The following SPEG variants were observed in gnomAD, a reference collection of about 807,000 sequenced individuals.
The protein encoded by SPEG is striated muscle preferentially expressed protein kinase.
Under a neutral mutation model 300.4 loss-of-function variants are expected in SPEG, and 114 were observed. That is an observed-to-expected ratio of 0.38 (90% CI 0.33 to 0.44). SPEG has a LOEUF of 0.44. Ranked by LOEUF, SPEG falls within the 20% of genes least tolerant of loss-of-function variation. The pLI is 1.00. For synonymous variants in SPEG, 1,964 were observed against 2,018.9 expected (o/e 0.97, Z 0.73); for missense variants, 4,201 against 4,586.2 (o/e 0.92, Z 2.43).
At position 219,473,990 on chromosome 2, in the gene SPEG, C is replaced by T; in HGVS notation, c.4447+87C>T. 7.1e-7 allele frequency: 1 copy of T among 1,411,548 alleles called. No homozygotes were observed. The highest frequency in any genetic ancestry group is 9.6e-7 in the Non-Finnish European group (1 of 1,042,714). 87.4% of individuals were successfully genotyped at this position (1,411,548 alleles called of 1,614,324 possible). On this transcript the variant is annotated intron_variant, in intron 18 of 40. Transcript: ENST00000312358. This position sits in a 1 kb window ranked among gnomAD's most constrained non-coding sequence, Gnocchi z 4.6. ...CCCCAGGTACACAACCTGCCTGACA[C>T]TGCTGCAGATCCAAACCCATGTCCT...
At chr2:219,457,886 CT>C in intron 6 of SPEG, among the ~76,000 whole-genome samples, 1 of 152,206 alleles carries the variant, frequency 6.6e-6, no homozygotes, top group Non-Finnish European at 1.5e-5. Context: ...TCCCTTTTTC[CT>C]GCAAACTGCA....
chr2:219,472,434 G>T, intron 15 of SPEG, 103 bp downstream of exon 15: 1 of 976,658 alleles, frequency 1.0e-6, no homozygotes, highest in East Asian at 2.6e-5. Flanking sequence ...GATGGGCAGG[G>T]GCAGGAGCTG....
rs1692765002 is a variant in SPEG at position 219,480,755 on chromosome 2, G to A, written c.5369+58G>A. 1 of 1,525,368 alleles carries A rather than the reference G, an allele frequency of 6.6e-7. No homozygotes were observed. The highest frequency in any genetic ancestry group is 1.4e-5 in the African/African-American group (1 of 73,030). The allele number at this position is 1,525,368 out of a possible 1,614,324, so 94.5% of individuals were successfully genotyped here. ...CCTGGCAGGTCTACCCCTAACCTTT[G>A]CAGGGCTGCAGCCCACCCCCTTCTC... On this transcript the variant is annotated intron_variant, in intron 26 of 40. Transcript: ENST00000312358. This position sits in a 1 kb window ranked among gnomAD's most constrained non-coding sequence, Gnocchi z 5.3.
rs773213546 is a variant in SPEG at position 219,489,748 on chromosome 2, ACCAGCCCCTGAGCCC to A, written c.8748_8762del (p.Ala2917_Pro2921del). ...TGGTGACTTCCTTTGTGTCTGCACC[ACCAGCCCCTGAGCCC>A]CCAGCCCCTGAGCCCCCTCCTGAGC... On this transcript the variant is annotated inframe_deletion, in exon 36 of 41. Transcript: ENST00000312358. The A allele has an allele frequency of 1.2e-5, 19 of 1,613,366 alleles. No individual in the cohort carries two copies. The highest frequency in any genetic ancestry group is 1.0e-4 in the Admixed American group (6 of 59,960).
chr2:219,466,183 C>G (rs566166405), intron 9 of SPEG: 3 of 1,493,720 alleles, frequency 2.0e-6, no homozygotes, highest in Admixed American at 2.1e-5. Flanking sequence ...CCTGCCGGCC[C>G]GGACCCGTCC....
chr2:219,483,808 C>A lies in SPEG; in HGVS notation c.6345C>A (p.His2115Gln). 6.3e-7 allele frequency: 1 copy of A among 1,574,970 alleles called. No individual in the cohort carries two copies. The highest frequency in any genetic ancestry group is 8.6e-7 in the Non-Finnish European group (1 of 1,167,600). ...ARAASSEAAP[H>Q]HQPPLENRGL... The stretch of plus-strand genomic sequence containing the variant: ...CTGCCTCCAGCGAGGCAGCGCCCCA[C>A]CACCAGCCCCCACTCGAGAACCGGG... The change falls in exon 30 of 41, where the codon CAC becomes CAA. Residue 2115 changes from histidine (H) to glutamine (Q), a missense_variant. Transcript: ENST00000312358.
At position 219,488,575 on chromosome 2, in the gene SPEG, C is replaced by T. The variant is rs371959562; in HGVS notation, c.7936C>T (p.Arg2646Trp). The change falls in exon 33 of 41, where the codon CGG becomes TGG. Residue 2646 changes from arginine (R) to tryptophan (W), a missense_variant. Arg to Trp is a moderately radical substitution (Grantham distance 101). Coordinates refer to ENST00000312358, the MANE Select transcript of SPEG (RefSeq NM_005876.5). The part of the protein sequence containing the change: ...KDGRQLLSIP[R>W]AGKRHAGLYE... ...TGGGCGGCAGCTGCTCAGCATCCCC[C>T]GGGCGGGCAAGCGGCACGCCGGTCT... The T allele has an allele frequency of 5.5e-5, 88 of 1,611,822 alleles. No homozygotes were observed. Among genetic ancestry groups the T allele is most frequent in the Non-Finnish European group, 6.4e-5 (76 of 1,179,270 alleles).
chr2:219,449,635 C>A (rs1296630017), intron 4 of SPEG, among the ~76,000 whole-genome samples: 1 of 152,070 alleles, frequency 6.6e-6, no homozygotes, highest in African/African-American at 2.4e-5. Context: ...CTGGTGGGAA[C>A]CTAAGGACCC....
chr2:219,482,787 C>T lies in SPEG; in HGVS notation c.5569C>T (p.Gln1857Ter). The change falls in exon 29 of 41, where the codon CAG (glutamine) becomes TAG (stop). Residue 1857 changes from glutamine to a stop codon, truncating the protein, a stop_gained. Transcript: ENST00000312358. LOFTEE classifies it high-confidence loss of function. ...ETLEHPWFKTQAKGAEVSTDH... is the reference protein window; with the variant it reads ...ETLEHPWFKT ...GCCCTCTTTCCTGGGTTTGCAGACTCAGGCAAAGGGCGCAGAGGTGAGCAC... is the reference window on the plus strand; with the variant it reads ...GCCCTCTTTCCTGGGTTTGCAGACTTAGGCAAAGGGCGCAGAGGTGAGCAC... 6.2e-7 allele frequency: 1 copy of T among 1,613,752 alleles called. No individual in the cohort carries two copies. Among genetic ancestry groups the T allele is most frequent in the South Asian group, 1.1e-5 (1 of 91,072 alleles).
intron 18 of SPEG, among the ~76,000 whole-genome samples, chr2:219,476,239 G>A (rs1316183161): frequency 5.9e-5 from 7 of 118,892 alleles, no homozygotes; most frequent in Non-Finnish European, 1.1e-4. Flanking sequence ...TTTGGGGGTT[G>A]TTTGTTCATC....
chr2:219,489,134 G>C lies in SPEG; in HGVS notation c.8230G>C (p.Val2744Leu), dbSNP rs748716131. The C allele has an allele frequency of 7.4e-6, 12 of 1,613,888 alleles. No homozygotes were observed. The East Asian group carries it at 2.5e-4, about 33-fold the overall frequency. The change falls in exon 35 of 41, where the codon GTG (valine) becomes CTG (leucine). Residue 2744 changes from valine to leucine, a missense_variant. Physicochemically the swap from Val to Leu is conservative, Grantham distance 32 (BLOSUM62 1). Coordinates refer to ENST00000312358, the MANE Select transcript of SPEG (RefSeq NM_005876.5). ...NVTHLPVGVT[V>L]RFRVACANRA... is the part of the protein sequence containing the mutation. ...GACCCACCTGCCAGTTGGCGTGACT[G>C]TGAGGTTCCGTGTGGCCTGTGCCAA...
At position 219,445,476 on chromosome 2, in the gene SPEG, G is replaced by T; in HGVS notation, c.815+315G>T. ...GGCCCTCTTTTGCCTCACCCATTTG[G>T]GCTCCAGTTGTCCCCAGGATCCCTC... On this transcript the variant is annotated intron_variant, in intron 3 of 40. Coordinates refer to ENST00000312358, the MANE Select transcript of SPEG (RefSeq NM_005876.5). The surrounding 1 kb of genome is among the most constrained non-coding windows in gnomAD (Gnocchi z 6.1). 1 of 427,424 alleles carries T rather than the reference G, an allele frequency of 2.3e-6. No homozygotes were observed. Among genetic ancestry groups the T allele is most frequent in the Non-Finnish European group, 4.2e-6 (1 of 236,662 alleles). 26.5% of individuals were successfully genotyped at this position (427,424 alleles called of 1,614,324 possible).
In SPEG at chr2:219,472,892, C is replaced by T; in HGVS notation, c.3943C>T (p.Pro1315Ser). 1 of 1,578,698 alleles carries T rather than the reference C, an allele frequency of 6.3e-7. No homozygotes were observed. Among genetic ancestry groups the T allele is most frequent in the Admixed American group, 1.8e-5 (1 of 56,640 alleles). ...TCTAGTAGCTCCTCTCCCGCCAGACCCGGACTCCCTGACGTACACAGTGCA... is the reference window on the plus strand; with the variant it reads ...TCTAGTAGCTCCTCTCCCGCCAGACTCGGACTCCCTGACGTACACAGTGCA... ...PPRSLDMAID[P>S]DSLTYTVQHQ... The change falls in exon 16 of 41, where the codon CCG becomes TCG. Residue 1315 changes from proline to serine, a missense_variant and splice_region_variant. Pro to Ser is a moderately conservative substitution (Grantham distance 74). This residue lies in a region of SPEG where 1,047 missense variants were observed against 1,356.8 expected (regional missense o/e 0.77). Coordinates refer to ENST00000312358, the MANE Select transcript of SPEG (RefSeq NM_005876.5).
At position 219,492,445 on chromosome 2, in the gene SPEG, G is replaced by C. The variant is rs546146703; in HGVS notation, c.9612-149G>C. 1.2e-4 allele frequency: 129 copies of C among 1,065,466 alleles called. 1 individual carries two copies. The African/African-American group carries it at 1.6e-3, about 13-fold the overall frequency. 66.0% of individuals were successfully genotyped at this position (1,065,466 alleles called of 1,614,324 possible). A position where few individuals can be genotyped will look rare whatever the true frequency, so the allele number is the denominator to read the frequency against. ...AAGGCAGACTCACTGTCCCCATTCC[G>C]GAGACTGGGGAACTGAGCTCTTGAG... is the stretch of plus-strand genomic sequence containing the variant. On this transcript the variant is annotated intron_variant, in intron 40 of 40. Coordinates refer to ENST00000312358, the MANE Select transcript of SPEG (RefSeq NM_005876.5).
intron 8 of SPEG, among the ~76,000 whole-genome samples, chr2:219,463,456 C>T: frequency 8.6e-6 from 1 of 116,534 alleles, no homozygotes; most frequent in African/African-American, 3.3e-5. Context: ...CTTTGTCGCC[C>T]AGGCTGGAGT....
chr2:219,484,767 A>G lies in SPEG; in HGVS notation c.7304A>G (p.Asp2435Gly). 1 of 1,464,640 alleles carries G rather than the reference A, an allele frequency of 6.8e-7. No individual in the cohort carries two copies. The highest frequency in any genetic ancestry group is 8.9e-7 in the Non-Finnish European group (1 of 1,119,620). The allele number at this position is 1,464,640 out of a possible 1,614,324, so 90.7% of individuals were successfully genotyped here. ...RHPAWEARGG[D>G]GESSEGGSSA... is the part of the protein sequence containing the mutation. Reference sequence around the variant, plus strand: ...CCGGCCTGGGAGGCCCGCGGCGGGGACGGAGAGAGCTCGGAGGGCGGGAGC... The same window carrying G: ...CCGGCCTGGGAGGCCCGCGGCGGGGGCGGAGAGAGCTCGGAGGGCGGGAGC... The change falls in exon 30 of 41, where the codon GAC becomes GGC. Residue 2435 changes from aspartate (D) to glycine (G), a missense_variant. Coordinates refer to ENST00000312358, the MANE Select transcript of SPEG (RefSeq NM_005876.5).
At chr2:219,467,082 T>C in intron 9 of SPEG, 92 bp from the exon 10 acceptor site, 4 of 1,407,980 alleles carry the variant, frequency 2.8e-6, no homozygotes, top group Non-Finnish European at 3.8e-6. Flanking sequence ...TCTCTCTGTG[T>C]CTGTCTGTCT....
rs201562087 is a variant in SPEG at position 219,489,644 on chromosome 2, G to A, written c.8626G>A (p.Val2876Ile). 5.6e-6 allele frequency: 9 copies of A among 1,613,934 alleles called. No homozygotes were observed. The East Asian group carries it at 1.3e-4, about 24-fold the overall frequency. The change falls in exon 36 of 41, where the codon GTC becomes ATC. Residue 2876 changes from valine (V) to isoleucine (I), a missense_variant. Val to Ile is a conservative substitution (Grantham distance 29, BLOSUM62 3). Around this residue, in one of 4 missense-constraint regions of SPEG, gnomAD observed 1,578 missense variants for 1,506.0 expected, o/e 1.05. Transcript: ENST00000312358. ...CACCCCAAGTGAGCCCAAGCCTTTC[G>A]TCCTTGACACTGGGACCCCGATCCC... is the stretch of plus-strand genomic sequence containing the variant. Reference protein sequence around the residue: ...HVTPSEPKPFVLDTGTPIPAS... With the variant: ...HVTPSEPKPFILDTGTPIPAS...
At chr2:219,476,448 A>G (rs1692349604) in intron 18 of SPEG, among the ~76,000 whole-genome samples, 1 of 152,186 alleles carries the variant, frequency 6.6e-6, no homozygotes, top group Admixed American at 6.5e-5. Context: ...CACAGGGGGC[A>G]GCATTGGGCC....
Sources: allele counts gnomAD v4.1 joint callset (sites outside exome capture counted in the v4.1 genomes callset), GRCh38; gene constraint gnomAD v4.1.1; regional missense constraint gnomAD v4.1.1; non-coding constraint Gnocchi (gnomAD v3.1); transcripts MANE v1.5; gene names NCBI Gene and HGNC (gene_info 2026-07-23, HGNC 2026-07-21).